Variants in RARB observed in about 807,000 individuals in gnomAD.
RARB encodes retinoic acid receptor beta, also known as HBV-activated protein.
A neutral mutation model predicts 51.9 loss-of-function variants in RARB; 17 were observed. The observed-to-expected ratio is 0.33, with a 90% CI of 0.22 to 0.49. The LOEUF (loss-of-function observed/expected upper bound fraction) is 0.49, where lower values mean the gene tolerates loss of function less well. Ranked by LOEUF, RARB falls within the 20% of genes least tolerant of loss-of-function variation. The pLI, the probability that RARB is intolerant of heterozygous loss-of-function variation, is 0.99. For missense variants in RARB, 369 were observed against 550.8 expected (o/e 0.67, Z 3.30); for synonymous variants, 215 against 195.4 (o/e 1.10, Z -0.84).
intron 2 of RARB, among the ~76,000 whole-genome samples, chr3:24,917,782 G>A (rs576130562): frequency 2.6e-5 from 4 of 152,182 alleles, no homozygotes; most frequent in African/African-American, 7.2e-5. Context: ...CTCCTTCGGC[G>A]TCCTAAAGTG....
intron 4 of RARB, among the ~76,000 whole-genome samples, chr3:25,143,249 C>A (rs1700137587): frequency 6.6e-6 from 1 of 152,272 alleles, no homozygotes; most frequent in Admixed American, 6.5e-5. Flanking sequence ...AGGCAAATTG[C>A]AAGAGGCAGC....
chr3:25,131,705 T>A (rs778899022), intron 3 of RARB, among the ~76,000 whole-genome samples: 4 of 151,918 alleles, frequency 2.6e-5, no homozygotes, highest in Non-Finnish European at 5.9e-5. Context: ...GTGAAGCCAT[T>A]TGCCACGCTG....
chr3:25,047,712 C>T (rs1698245563), intron 2 of RARB, among the ~76,000 whole-genome samples: 1 of 152,178 alleles, frequency 6.6e-6, no homozygotes, highest in Admixed American at 6.5e-5. Context: ...AGAGGCTCAA[C>T]AAATTTGAAC....
chr3:24,878,592 A>G (rs2362774), intron 2 of RARB, among the ~76,000 whole-genome samples: 111,731 of 152,012 alleles, frequency 0.74, 42,119 homozygotes, highest in African/African-American at 0.88. Context: ...ATCAGGGGCT[A>G]TTGTGTGCAT....
chr3:25,208,024 G>T (rs540245570), intron 5 of RARB, among the ~76,000 whole-genome samples: 23 of 151,680 alleles, frequency 1.5e-4, no homozygotes, highest in South Asian at 1.3e-3. Context: ...GAGGGCAAGG[G>T]GGGGAGCAAA....
chr3:25,450,423 G>A (rs1709141620), intron 1 of RARB, among the ~76,000 whole-genome samples: 1 of 152,178 alleles, frequency 6.6e-6, no homozygotes, highest in Non-Finnish European at 1.5e-5. Context: ...GATCAGGAAG[G>A]ATAAGTGACT....
At chr3:24,899,346 G>A (rs6783623) in intron 2 of RARB, among the ~76,000 whole-genome samples, 2,386 of 152,192 alleles carry the variant, frequency 0.016, 60 homozygotes, top group African/African-American at 0.054. Context: ...TGAGAACCAC[G>A]AAGGAGTGGA....
intron 5 of RARB, among the ~76,000 whole-genome samples, chr3:25,267,867 G>T (rs1298858217): frequency 2.0e-5 from 3 of 152,134 alleles, no homozygotes; most frequent in Non-Finnish European, 4.4e-5. Flanking sequence ...CACTGTTTCT[G>T]GGTTGAGCTA....
chr3:25,583,054 G>T (rs1701243264), intron 5 of RARB, among the ~76,000 whole-genome samples: 1 of 152,170 alleles, frequency 6.6e-6, no homozygotes, highest in Non-Finnish European at 1.5e-5. Flanking sequence ...GGCCATGGGG[G>T]TGAGGAGTCT....
intron 2 of RARB, among the ~76,000 whole-genome samples, chr3:25,040,023 C>T (rs139404936): frequency 6.6e-5 from 10 of 152,308 alleles, no homozygotes; most frequent in African/African-American, 2.4e-4. Context: ...TTAATGGTGA[C>T]ATTCTCCTGA....
intron 3 of RARB, among the ~76,000 whole-genome samples, chr3:25,531,384 A>C (rs372956137): frequency 2.0e-5 from 2 of 98,190 alleles, no homozygotes; most frequent in East Asian, 6.1e-4. Context: ...AGATAGATAG[A>C]TAGGTAGATA....
chr3:25,172,468 G>C (rs1415354764), intron 4 of RARB, among the ~76,000 whole-genome samples: 1 of 152,084 alleles, frequency 6.6e-6, no homozygotes, highest in African/African-American at 2.4e-5. Context: ...CCTCACATAT[G>C]GTAAATAGTC....
At chr3:25,507,696 C>T (rs1015866246) in intron 3 of RARB, among the ~76,000 whole-genome samples, 2 of 152,110 alleles carry the variant, frequency 1.3e-5, no homozygotes, top group Non-Finnish European at 2.9e-5. Context: ...CTTACTTTTG[C>T]CAAACCTTAG....
chr3:24,833,387 A>T (rs1179541805), intron 1 of RARB, among the ~76,000 whole-genome samples: 1 of 152,142 alleles, frequency 6.6e-6, no homozygotes, highest in Non-Finnish European at 1.5e-5. Flanking sequence ...ATTCTGGCCC[A>T]TCTTTTTTAT....
At chr3:25,142,830 G>T (rs553840459) in intron 4 of RARB, among the ~76,000 whole-genome samples, 6 of 152,170 alleles carry the variant, frequency 3.9e-5, no homozygotes, top group Non-Finnish European at 8.8e-5. Flanking sequence ...GTCAAGATGC[G>T]GGAGAAAATG....
intron 5 of RARB, among the ~76,000 whole-genome samples, chr3:25,303,083 T>C (rs1704078357): frequency 6.6e-6 from 1 of 152,246 alleles, no homozygotes; most frequent in South Asian, 2.1e-4. Context: ...ATTTATTCTC[T>C]TATTTCCTTG....
intron 3 of RARB, among the ~76,000 whole-genome samples, chr3:25,525,233 A>C (rs531590189): frequency 6.6e-6 from 1 of 152,308 alleles, no homozygotes; most frequent in African/African-American, 2.4e-5. Context: ...AATTCTCAGA[A>C]TGCTAGGTTA....
chr3:25,238,765 G>A (rs1404565549), intron 5 of RARB, among the ~76,000 whole-genome samples: 5 of 152,148 alleles, frequency 3.3e-5, no homozygotes, highest in African/African-American at 4.8e-5. Context: ...GGTGGATCAC[G>A]AGGTCAGGAT....
At chr3:25,256,501 G>C (rs1348392558) in intron 5 of RARB, among the ~76,000 whole-genome samples, 1 of 152,146 alleles carries the variant, frequency 6.6e-6, no homozygotes, top group Non-Finnish European at 1.5e-5. Flanking sequence ...ATTGAAGAGA[G>C]AGATCCTTTA....
Sources: allele counts gnomAD v4.1 joint callset (sites outside exome capture counted in the v4.1 genomes callset), GRCh38; gene constraint gnomAD v4.1.1; transcripts MANE v1.5; gene names NCBI Gene and HGNC (gene_info 2026-07-23, HGNC 2026-07-21).